The following DNAAF4 variants were observed in gnomAD, a reference collection of about 807,000 sequenced individuals.
DNAAF4 encodes the protein dynein axonemal assembly factor 4.
A neutral mutation model predicts 51.8 loss-of-function variants in DNAAF4; 43 were observed. The observed-to-expected ratio is 0.83, with a 90% CI of 0.65 to 1.07. The LOEUF (loss-of-function observed/expected upper bound fraction) is 1.07, where lower values mean the gene tolerates loss of function less well. DNAAF4 is among the 50% of genes least tolerant of loss of function. The pLI is 0.00. For synonymous variants in DNAAF4, 194 were observed against 165.6 expected (o/e 1.17, Z -1.32); for missense variants, 581 against 493.0 (o/e 1.18, Z -1.69).
rs759793833 is a variant in DNAAF4, at chr15:55,461,669, G to A, written c.637+5261C>T. ...AAGAGGAAAGTTCATAGCACTAAAC[G>A]CCTACATCAAAAAGTCTGAAAGAGC... is the stretch of plus-strand genomic sequence containing the variant. On this transcript the variant is annotated intron_variant, in intron 5 of 9. Coordinates refer to ENST00000321149, the MANE Select transcript of DNAAF4 (RefSeq NM_130810.4). Among the ~76,000 whole-genome samples, 8 of 151,978 alleles carry A rather than the reference G, an allele frequency of 5.3e-5. No homozygotes were observed. The East Asian group carries it at 5.8e-4, about 11-fold the overall frequency.
intron 3 of DNAAF4, among the ~76,000 whole-genome samples, chr15:55,493,260 G>T (rs2058598104): frequency 6.6e-6 from 1 of 152,160 alleles, no homozygotes; most frequent in Non-Finnish European, 1.5e-5. Context: ...TCAGTTGATG[G>T]TATTTTGTTA....
chr15:55,459,241 G>GT (rs1409871800), intron 5 of DNAAF4, among the ~76,000 whole-genome samples: 1 of 152,038 alleles, frequency 6.6e-6, no homozygotes, highest in African/African-American at 2.4e-5. Context: ...TAAGAGTTTT[G>GT]TATCCAGTGA....
At position 55,467,117 on chromosome 15, in the gene DNAAF4, A is replaced by G; in HGVS notation, c.450T>C (p.Asn150=). The G allele has an allele frequency of 6.5e-7, 1 of 1,537,802 alleles. No homozygotes were observed. Among genetic ancestry groups the G allele is most frequent in the East Asian group, 2.4e-5 (1 of 41,342 alleles). Residue 150 remains asparagine (N), a synonymous_variant, in exon 5 of 10, where the codon AAT becomes AAC. Transcript: ENST00000321149. The stretch of plus-strand genomic sequence containing the variant: ...ATGCTTTAGTGGCTTTTATCCGTTC[A>G]TTTTCTTTCATATCTTCTATTTTTT... ...ERKKIEDMKE[N]ERIKATKALE...
chr15:55,433,132 T>A (rs1225189827), intron 8 of DNAAF4, among the ~76,000 whole-genome samples: 1 of 151,952 alleles, frequency 6.6e-6, no homozygotes, highest in Non-Finnish European at 1.5e-5. Context: ...AAACCCTGTC[T>A]CTACTAAAAA....
intron 3 of DNAAF4, among the ~76,000 whole-genome samples, chr15:55,494,743 TA>T (rs1452649609): frequency 1.3e-5 from 2 of 152,138 alleles, no homozygotes; most frequent in Non-Finnish European, 2.9e-5. Context: ...TTGATTTGTC[TA>T]AATCAGAGGT....
intron 1 of DNAAF4, among the ~76,000 whole-genome samples, chr15:55,502,230 GAGA>G (rs972749217): frequency 6.6e-6 from 1 of 152,150 alleles, no homozygotes; most frequent in Non-Finnish European, 1.5e-5. Flanking sequence ...TAGAATTTAG[GAGA>G]AGGAGGTTTG....
intron 4 of DNAAF4, among the ~76,000 whole-genome samples, chr15:55,473,199 AT>A (rs372615276): frequency 0.27 from 5,595 of 20,854 alleles, 1,022 homozygotes; most frequent in South Asian, 0.36. Context: ...AAAAAAAAAA[AT>A]ATATATATAT....
At chr15:55,443,484 T>C (rs2057748082) in intron 6 of DNAAF4, 1 of 531,210 alleles carries the variant, frequency 1.9e-6, no homozygotes, top group African/African-American at 1.9e-5. Flanking sequence ...TCTTTGCTAT[T>C]GTGAATAGTG....
chr15:55,420,873 C>T (rs1011100898), intron 7 of DNAAF4, among the ~76,000 whole-genome samples: 1 of 152,004 alleles, frequency 6.6e-6, no homozygotes, highest in African/African-American at 2.4e-5. Flanking sequence ...GTGCACTGTT[C>T]GGTCATTTTT....
At chr15:55,472,470 T>G (rs1032359042) in intron 4 of DNAAF4, among the ~76,000 whole-genome samples, 1 of 151,454 alleles carries the variant, frequency 6.6e-6, no homozygotes, top group African/African-American at 2.4e-5. Flanking sequence ...ATACAAAAAT[T>G]AGGTGGGTGT....
At chr15:55,484,102 G>C (rs139481941) in intron 4 of DNAAF4, among the ~76,000 whole-genome samples, 12 of 152,070 alleles carry the variant, frequency 7.9e-5, no homozygotes, top group African/African-American at 2.9e-4. Context: ...GTGTTAGTGA[G>C]AATGGGAGAA....
At chr15:55,422,418 G>C (rs2057396400) in intron 7 of DNAAF4, among the ~76,000 whole-genome samples, 1 of 152,160 alleles carries the variant, frequency 6.6e-6, no homozygotes, top group Admixed American at 6.6e-5. Flanking sequence ...GATTAAACCA[G>C]ATAAGACTAC....
chr15:55,487,277 T>C (rs1394253055), intron 4 of DNAAF4, among the ~76,000 whole-genome samples: 1 of 152,096 alleles, frequency 6.6e-6, no homozygotes, highest in Non-Finnish European at 1.5e-5. Flanking sequence ...CAATCAGTGC[T>C]CTGTGTCTAG....
Position 55,432,499 on chromosome 15 carries a change from T to C in DNAAF4, c.1151A>G (p.Glu384Gly), listed in dbSNP as rs781451624. The change falls in exon 9 of 10, where the codon GAA becomes GGA. Residue 384 changes from glutamate (E) to glycine (G), a missense_variant and splice_region_variant. Glu to Gly is a moderately conservative substitution (Grantham distance 98, BLOSUM62 -2). Coordinates refer to ENST00000321149, the MANE Select transcript of DNAAF4 (RefSeq NM_130810.4). ...AACCATTTCTATCAATTCCTTACCTTCTACATACAATTCTAGTTGACAGAA... is the reference window on the plus strand; with the variant it reads ...AACCATTTCTATCAATTCCTTACCTCCTACATACAATTCTAGTTGACAGAA... ...TAFCQLELYV[E>G]GLQDYEAALK... is the part of the protein sequence containing the mutation. 35 of 1,609,704 alleles carry C rather than the reference T, an allele frequency of 2.2e-5. 1 individual carries two copies. In the South Asian group the frequency reaches 3.8e-4, roughly 17 times the overall value.
chr15:55,432,359 G>A (rs1215075197), intron 9 of DNAAF4, 138 bp downstream of exon 9: 1 of 565,810 alleles, frequency 1.8e-6, no homozygotes, highest in Admixed American at 3.1e-5. Context: ...CAGATATACT[G>A]CAGACATTAC....
At position 55,432,486 on chromosome 15, in the gene DNAAF4, C is replaced by G; in HGVS notation, c.1153+11G>C. 1 of 1,602,860 alleles carries G rather than the reference C, an allele frequency of 6.2e-7. No homozygotes were observed. Among genetic ancestry groups the G allele is most frequent in the Non-Finnish European group, 8.5e-7 (1 of 1,172,990 alleles). On this transcript the variant is annotated intron_variant, in intron 9 of 9. Transcript: ENST00000321149. ...AACTTGGGACTTAAACCATTTCTAT[C>G]AATTCCTTACCTTCTACATACAATT...
At chr15:55,469,376 A>G (rs1485848238) in intron 4 of DNAAF4, among the ~76,000 whole-genome samples, 1 of 151,570 alleles carries the variant, frequency 6.6e-6, no homozygotes, top group Non-Finnish European at 1.5e-5. Context: ...GAGTGTACAG[A>G]GAAAAAACAA....
At chr15:55,475,144 G>A (rs933087977) in intron 4 of DNAAF4, among the ~76,000 whole-genome samples, 1 of 152,136 alleles carries the variant, frequency 6.6e-6, no homozygotes, top group African/African-American at 2.4e-5. Context: ...AATTTACAAA[G>A]TCAATGTAAA....
At chr15:55,465,157 T>G (rs565605457) in intron 5 of DNAAF4, among the ~76,000 whole-genome samples, 1 of 152,126 alleles carries the variant, frequency 6.6e-6, no homozygotes, top group African/African-American at 2.4e-5. Context: ...CTGGTGGGAA[T>G]GTAAACTAGT....
Sources: allele counts gnomAD v4.1 joint callset (sites outside exome capture counted in the v4.1 genomes callset), GRCh38; gene constraint gnomAD v4.1.1; transcripts MANE v1.5; gene names NCBI Gene and HGNC (gene_info 2026-07-23, HGNC 2026-07-21).